MTCL2: variants seen among roughly 807,000 people sequenced by gnomAD.
MTCL2 encodes microtubule cross-linking factor 2.
At chr20:36,802,454 A>G in the MTCL2 span, among the ~76,000 whole-genome samples, 7 of 151,960 alleles carry the variant, frequency 4.6e-5, no homozygotes, top group South Asian at 4.2e-4. Flanking sequence ...AGGCCTCCCA[A>G]TTTTCCCATG....
At chr20:36,824,343 G>A in the MTCL2 span, among the ~76,000 whole-genome samples, 1 of 152,198 alleles carries the variant, frequency 6.6e-6, no homozygotes, top group Non-Finnish European at 1.5e-5. Flanking sequence ...CCATAAAGAG[G>A]AATGAGGTCC....
At chr20:36,796,715 C>T in the MTCL2 span, among the ~76,000 whole-genome samples, 7 of 152,216 alleles carry the variant, frequency 4.6e-5, no homozygotes, top group East Asian at 1.4e-3. Flanking sequence ...TATCCCGATG[C>T]TCTCCCAACT....
the MTCL2 span, among the ~76,000 whole-genome samples, chr20:36,838,327 G>T: frequency 6.6e-6 from 1 of 152,190 alleles, no homozygotes; most frequent in African/African-American, 2.4e-5. Flanking sequence ...TGACACCGTG[G>T]CTCATCCTTG....
At chr20:36,810,467 G>T in the MTCL2 span, among the ~76,000 whole-genome samples, 1 of 152,164 alleles carries the variant, frequency 6.6e-6, no homozygotes, top group Non-Finnish European at 1.5e-5. Context: ...GGACTTAAAA[G>T]ATGCTTAATG....
the MTCL2 span, among the ~76,000 whole-genome samples, chr20:36,798,692 G>T: frequency 6.6e-6 from 1 of 152,190 alleles, no homozygotes; most frequent in Admixed American, 6.5e-5. Context: ...ACACTCCTGG[G>T]CATGTCATGG....
chr20:36,814,519 C>T, the MTCL2 span, among the ~76,000 whole-genome samples: 1 of 152,154 alleles, frequency 6.6e-6, no homozygotes, highest in African/African-American at 2.4e-5. Context: ...GAGGCTGAGG[C>T]TGGTGGATCA....
the MTCL2 span, among the ~76,000 whole-genome samples, chr20:36,792,051 T>A: frequency 1.3e-5 from 2 of 152,264 alleles, no homozygotes; most frequent in East Asian, 3.9e-4. Flanking sequence ...TGTGAGCACT[T>A]AGGTGTGAAG....
the MTCL2 span, among the ~76,000 whole-genome samples, chr20:36,854,404 C>G: frequency 6.6e-6 from 1 of 152,148 alleles, no homozygotes; most frequent in African/African-American, 2.4e-5. Flanking sequence ...ACACAGGAGC[C>G]TGACCTGGGG....
At chr20:36,806,217 G>C in the MTCL2 span, among the ~76,000 whole-genome samples, 1 of 152,318 alleles carries the variant, frequency 6.6e-6, no homozygotes. Context: ...ACATAAGGGT[G>C]ACCAAAGGTT....
chr20:36,851,742 C>G, the MTCL2 span, among the ~76,000 whole-genome samples: 2 of 152,198 alleles, frequency 1.3e-5, no homozygotes, highest in African/African-American at 4.8e-5. Context: ...TGTTTGCCTG[C>G]AGAATGTCAG....
At chr20:36,790,428 CTTTTTTT>C in the MTCL2 span, among the ~76,000 whole-genome samples, 12 of 101,142 alleles carry the variant, frequency 1.2e-4, no homozygotes, top group East Asian at 1.8e-3. Flanking sequence ...ACGCCTGGCC[CTTTTTTT>C]TTTTTTTTTT....
At chr20:36,834,596 A>G in the MTCL2 span, among the ~76,000 whole-genome samples, 1 of 152,094 alleles carries the variant, frequency 6.6e-6, no homozygotes, top group African/African-American at 2.4e-5. Flanking sequence ...CCAGACTACT[A>G]GTCTACTACT....
chr20:36,808,777 GCCCTGT>G, the MTCL2 span: 1 of 1,534,160 alleles, frequency 6.5e-7, no homozygotes, highest in Non-Finnish European at 8.8e-7. Context: ...CAACCCCAGG[GCCCTGT>G]CCTCTCCCCC....
chr20:36,799,026 C>G, the MTCL2 span, among the ~76,000 whole-genome samples: 1 of 152,170 alleles, frequency 6.6e-6, no homozygotes, highest in Non-Finnish European at 1.5e-5. Flanking sequence ...TTCTAAGAAA[C>G]TCAACATGAG....
At chr20:36,778,879 T>C in the MTCL2 span, 1 of 152,280 alleles carries the variant, frequency 6.6e-6, no homozygotes, top group African/African-American at 2.4e-5. Flanking sequence ...AGGTCCCTCT[T>C]CTTGGGAATG....
chr20:36,849,728 T>G, the MTCL2 span, among the ~76,000 whole-genome samples: 95 of 152,160 alleles, frequency 6.2e-4, 4 homozygotes, highest in Non-Finnish European at 3.1e-4. Flanking sequence ...ATAAAATGAT[T>G]TACGTTTGTA....
the MTCL2 span, among the ~76,000 whole-genome samples, chr20:36,837,958 T>C: frequency 1.3e-5 from 2 of 152,214 alleles, no homozygotes; most frequent in Non-Finnish European, 1.5e-5. Flanking sequence ...GACACTGAAA[T>C]TGATGACTTT....
At chr20:36,834,399 C>G in the MTCL2 span, among the ~76,000 whole-genome samples, 6 of 152,100 alleles carry the variant, frequency 3.9e-5, no homozygotes, top group Non-Finnish European at 8.8e-5. Context: ...GGGGCGTGCT[C>G]CTGGTGTGTC....
At chr20:36,800,166 G>T in the MTCL2 span, among the ~76,000 whole-genome samples, 8 of 152,228 alleles carry the variant, frequency 5.3e-5, no homozygotes, top group African/African-American at 1.7e-4. Context: ...TCTCTGATGT[G>T]AGAACAACAG....
Sources: gnomAD v4.1 joint callset for allele counts (sites outside exome capture counted in the v4.1 genomes callset) on GRCh38, gnomAD v4.1.1 for gene constraint, MANE v1.5 for transcripts, NCBI Gene and HGNC (gene_info 2026-07-23, HGNC 2026-07-21) for gene names.